RAP1GDS1: variants seen among roughly 807,000 people sequenced by gnomAD.
RAP1GDS1 encodes RAP1, GTP-GDP dissociation stimulator 1.
Under a neutral mutation model 71.1 loss-of-function variants are expected in RAP1GDS1, and 35 were observed. The observed-to-expected ratio is 0.49, with a 90% CI of 0.38 to 0.65. The LOEUF is 0.65. Ranked by LOEUF, RAP1GDS1 falls within the 30% of genes least tolerant of loss-of-function variation. RAP1GDS1 has a pLI of 0.00. For missense variants in RAP1GDS1, 663 were observed against 706.1 expected, an observed-to-expected ratio of 0.94 and a Z score of 0.69; for synonymous variants, 229 against 243.1, an observed-to-expected ratio of 0.94 and a Z score of 0.54.
chr4:98,415,016 T>A (rs113335810), intron 7 of RAP1GDS1, among the ~76,000 whole-genome samples: 3 of 151,476 alleles, frequency 2.0e-5, no homozygotes, highest in Admixed American at 6.6e-5. Flanking sequence ...GGCTCTCTGT[T>A]TGTCTGTTGT....
chr4:98,441,475 A>G (rs1751860607), intron 14 of RAP1GDS1: 5 of 985,280 alleles, frequency 5.1e-6, no homozygotes, highest in South Asian at 9.4e-5. Flanking sequence ...AAGTCATTGG[A>G]CTTCATATTT....
At chr4:98,363,699 G>T (rs1161319455) in intron 4 of RAP1GDS1, among the ~76,000 whole-genome samples, 1 of 152,052 alleles carries the variant, frequency 6.6e-6, no homozygotes, top group Non-Finnish European at 1.5e-5. Context: ...GAAGTGACAT[G>T]ATCTGATTTG....
intron 2 of RAP1GDS1, among the ~76,000 whole-genome samples, chr4:98,341,327 A>T (rs748524987): frequency 6.6e-6 from 1 of 152,228 alleles, no homozygotes; most frequent in South Asian, 2.1e-4. Flanking sequence ...TAGTACAGCT[A>T]TTCTCCCAGT....
intron 5 of RAP1GDS1, among the ~76,000 whole-genome samples, chr4:98,389,360 C>G (rs896685058): frequency 1.2e-4 from 18 of 151,886 alleles, no homozygotes; most frequent in Non-Finnish European, 2.1e-4. Flanking sequence ...GAATGGCAGG[C>G]CTGCCAGTCG....
At chr4:98,313,893 T>G (rs1217013734) in intron 2 of RAP1GDS1, among the ~76,000 whole-genome samples, 1 of 152,144 alleles carries the variant, frequency 6.6e-6, no homozygotes, top group Non-Finnish European at 1.5e-5. Flanking sequence ...TAATATTCAT[T>G]GAAATAAACC....
intron 5 of RAP1GDS1, among the ~76,000 whole-genome samples, chr4:98,385,881 C>T (rs912493089): frequency 1.3e-5 from 2 of 151,542 alleles, no homozygotes; most frequent in Admixed American, 6.6e-5. Context: ...GTAAGATACA[C>T]GTTGGAATAT....
intron 2 of RAP1GDS1, among the ~76,000 whole-genome samples, chr4:98,334,997 A>G (rs574304218): frequency 1.3e-5 from 2 of 150,468 alleles, no homozygotes; most frequent in East Asian, 3.9e-4. Context: ...TTGTTTTTTT[A>G]AAAAGAGAGT....
chr4:98,442,964 G>A lies in RAP1GDS1; in HGVS notation c.*847G>A, dbSNP rs533094843. 2.7e-5 allele frequency: 6 copies of A among 221,820 alleles called. No individual in the cohort carries two copies. The South Asian group carries it at 5.6e-4, about 21-fold the overall frequency. 13.7% of individuals were successfully genotyped at this position (221,820 alleles called of 1,614,324 possible). A position where few individuals can be genotyped will look rare whatever the true frequency, so the allele number is the denominator to read the frequency against. On this transcript the variant is annotated 3_prime_UTR_variant, in exon 15 of 15. Transcript: ENST00000408927. ...CACTTGTCTTTAAAATTCATTTGGC[G>A]CTTGTTTGTTTTCAACTGAGGAAAT...
At position 98,420,425 on chromosome 4, in the gene RAP1GDS1, G is replaced by A. The variant is rs181413538; in HGVS notation, c.1300+281G>A. 5.2e-4 allele frequency among the ~76,000 whole-genome samples: 79 copies of A among 151,540 alleles called. No individual in the cohort carries two copies. In the Middle Eastern group the frequency reaches 0.021, roughly 40 times the overall value. On this transcript the variant is annotated intron_variant, in intron 11 of 14. Transcript: ENST00000408927. Reference sequence around the variant, plus strand: ...CTGTCACCCAGGCTGGAGTGCAGTGGTGCGACCTCAGCTCACCGCAACTTC... The same window carrying A: ...CTGTCACCCAGGCTGGAGTGCAGTGATGCGACCTCAGCTCACCGCAACTTC...
intron 2 of RAP1GDS1, among the ~76,000 whole-genome samples, chr4:98,325,518 A>C (rs1732879984): frequency 6.6e-6 from 1 of 151,736 alleles, no homozygotes; most frequent in African/African-American, 2.4e-5. Flanking sequence ...ACTTGGAACC[A>C]ACCCAAATGT....
intron 2 of RAP1GDS1, among the ~76,000 whole-genome samples, chr4:98,326,334 C>T (rs1302550972): frequency 6.6e-6 from 1 of 152,154 alleles, no homozygotes; most frequent in Admixed American, 6.6e-5. Flanking sequence ...CATCTTTTAA[C>T]CTTTGGGTAA....
intron 12 of RAP1GDS1, among the ~76,000 whole-genome samples, chr4:98,427,424 T>G (rs1245675125): frequency 6.6e-6 from 1 of 152,154 alleles, no homozygotes; most frequent in African/African-American, 2.4e-5. Context: ...GAAGTTAAAC[T>G]GTTGCTATTT....
At chr4:98,346,738 G>T (rs933446906) in intron 3 of RAP1GDS1, among the ~76,000 whole-genome samples, 1 of 152,010 alleles carries the variant, frequency 6.6e-6, no homozygotes, top group Non-Finnish European at 1.5e-5. Context: ...TAGAGACGGG[G>T]TTTCACCATG....
In RAP1GDS1 at chr4:98,274,818, T is replaced by A. The variant is rs118147253; in HGVS notation, c.4+13249T>A. Among the ~76,000 whole-genome samples, 34 of 152,320 alleles carry A rather than the reference T, an allele frequency of 2.2e-4. No individual in the cohort carries two copies. The East Asian group carries it at 6.6e-3, about 29-fold the overall frequency. ...AGAAAACCTCTACAAGTCTTTTGCC[T>A]TGTTTTTTAGTTGAATGTTAGTATT... On this transcript the variant is annotated intron_variant, in intron 1 of 14. Coordinates refer to ENST00000408927, the MANE Select transcript of RAP1GDS1 (RefSeq NM_001100427.2).
At chr4:98,304,149 GT>G (rs1474394248) in intron 2 of RAP1GDS1, among the ~76,000 whole-genome samples, 1 of 151,896 alleles carries the variant, frequency 6.6e-6, no homozygotes, top group Non-Finnish European at 1.5e-5. Context: ...CAGTGCTGCA[GT>G]GAATGTACAC....
In RAP1GDS1 at chr4:98,289,458, G is replaced by A. The variant is rs560627582; in HGVS notation, c.5-3950G>A. Among the ~76,000 whole-genome samples the A allele has an allele frequency of 8.6e-5, 13 of 151,584 alleles. 1 individual carries two copies. In the South Asian group the frequency reaches 2.7e-3, roughly 32 times the overall value. ...TTGGGAAAAAGCCAATAATGTGGTG[G>A]GACTGACACACATGATGTTGTGTGA... On this transcript the variant is annotated intron_variant, in intron 1 of 14. Transcript: ENST00000408927.
At position 98,356,574 on chromosome 4, in the gene RAP1GDS1, A is replaced by C. The variant is rs73834448; in HGVS notation, c.361+3973A>C. 3.8e-3 allele frequency among the ~76,000 whole-genome samples: 581 copies of C among 152,240 alleles called. 6 individuals are homozygous for C. The highest frequency in any genetic ancestry group is 0.013 in the African/African-American group (556 of 41,574). On this transcript the variant is annotated intron_variant, in intron 4 of 14. Coordinates refer to ENST00000408927, the MANE Select transcript of RAP1GDS1 (RefSeq NM_001100427.2). ...GAAGAAAATGATTACGTGAAATTAA[A>C]TATTTGTGCCTTTTTATACACCGAG...
chr4:98,389,301 G>T (rs1047525197), intron 5 of RAP1GDS1, among the ~76,000 whole-genome samples: 4 of 140,492 alleles, frequency 2.8e-5, no homozygotes, highest in East Asian at 3.9e-4. Flanking sequence ...GTAAAAGTGT[G>T]TTTTTTTTTT....
At chr4:98,439,469 GAGA>G (rs1347162111) in intron 14 of RAP1GDS1, among the ~76,000 whole-genome samples, 2 of 152,138 alleles carry the variant, frequency 1.3e-5, no homozygotes, top group Non-Finnish European at 2.9e-5. Flanking sequence ...TGCTAAATTT[GAGA>G]AGTTTTGACT....
Sources: allele counts gnomAD v4.1 joint callset (sites outside exome capture counted in the v4.1 genomes callset), GRCh38; gene constraint gnomAD v4.1.1; transcripts MANE v1.5; gene names NCBI Gene and HGNC (gene_info 2026-07-23, HGNC 2026-07-21).